Variants in ADARB2 observed in about 807,000 individuals in gnomAD.
ADARB2 encodes adenosine deaminase RNA specific B2 (inactive).
A neutral mutation model predicts 62.2 loss-of-function variants in ADARB2; 25 were observed. The ratio of observed to expected loss-of-function variants is 0.40; its 90% CI spans 0.29 to 0.56. ADARB2 has a LOEUF of 0.56. Ranked by LOEUF, ADARB2 falls within the 20% of genes least tolerant of loss-of-function variation. ADARB2 has a pLI of 0.43. For synonymous variants in ADARB2, 572 were observed against 500.8 expected (o/e 1.14, Z -1.90); for missense variants, 1,071 against 1,077.4 (o/e 0.99, Z 0.08).
rs530240615 is a variant in ADARB2 at position 1,563,240 on chromosome 10, C to T, written c.100+173811G>A. On this transcript the variant is annotated intron_variant, in intron 1 of 9. Transcript: ENST00000381312. ...GTCCCTGCGACTCCCCAGGTGACCT[C>T]CCGCTCCCTTTAGAGCTGTCCATGG... Among the ~76,000 whole-genome samples the T allele has an allele frequency of 1.6e-4, 25 of 151,624 alleles. 1 individual carries two copies. The highest frequency in any genetic ancestry group is 1.6e-3 in the Admixed American group (25 of 15,236).
At chr10:1,689,124 G>A (rs1834635732) in intron 1 of ADARB2, among the ~76,000 whole-genome samples, 1 of 152,218 alleles carries the variant, frequency 6.6e-6, no homozygotes, top group Non-Finnish European at 1.5e-5. Context: ...GGCAGCAAGA[G>A]AGGAACTGGC....
At chr10:1,532,416 C>T (rs369847194) in intron 1 of ADARB2, among the ~76,000 whole-genome samples, 33 of 152,314 alleles carry the variant, frequency 2.2e-4, no homozygotes, top group East Asian at 9.7e-4. Flanking sequence ...CCTGGCTCCC[C>T]GTGTCTGTTC....
intron 1 of ADARB2, 33 bp downstream of exon 1, chr10:1,737,018 G>A: frequency 6.2e-7 from 1 of 1,604,756 alleles, no homozygotes. Flanking sequence ...GGGGTGAAGG[G>A]GGGCAGGGGC....
chr10:1,687,720 G>C (rs927305642), intron 1 of ADARB2, among the ~76,000 whole-genome samples: 3 of 152,114 alleles, frequency 2.0e-5, no homozygotes, highest in African/African-American at 7.2e-5. Context: ...CGGGTCCAAG[G>C]CTGGAGACAG....
rs148843143 is a variant in ADARB2, at chr10:1,251,584, A to C, written c.1193-9285T>G. ...TAACACAAAGAATGGTTTTTGGGTG[A>C]TTAAAGAAATAAAGATGCATATGTC... On this transcript the variant is annotated intron_variant, in intron 4 of 9. Transcript: ENST00000381312. 7.0e-4 allele frequency among the ~76,000 whole-genome samples: 106 copies of C among 152,346 alleles called. 1 individual carries two copies. The East Asian group carries it at 0.018, about 25-fold the overall frequency.
At chr10:1,459,655 G>A (rs1299992887) in intron 1 of ADARB2, among the ~76,000 whole-genome samples, 1 of 152,182 alleles carries the variant, frequency 6.6e-6, no homozygotes. Flanking sequence ...CCAGGTACTC[G>A]GGAGGGTGAG....
intron 1 of ADARB2, among the ~76,000 whole-genome samples, chr10:1,419,395 G>A (rs1832834384): frequency 6.6e-6 from 1 of 152,038 alleles, no homozygotes; most frequent in Non-Finnish European, 1.5e-5. Context: ...TATAATTTTA[G>A]CTTAGAATTT....
At chr10:1,613,538 A>G (rs1176939272) in intron 1 of ADARB2, among the ~76,000 whole-genome samples, 2 of 152,206 alleles carry the variant, frequency 1.3e-5, no homozygotes, top group Non-Finnish European at 2.9e-5. Context: ...CACCCAAAAC[A>G]AAAGGAGTAT....
rs1461110034 is a variant in ADARB2 at position 1,199,985 on chromosome 10, G to A, written c.1845C>T (p.His615=). 2 of 1,566,668 alleles carry A rather than the reference G, an allele frequency of 1.3e-6. No homozygotes were observed. The highest frequency in any genetic ancestry group is 1.7e-6 in the Non-Finnish European group (2 of 1,159,268). ...GVGQLPASYR[H]NRPLLSGVSD... is the part of the protein sequence containing the mutation. ...TCTTACCGCTGAGGAGAGGCCGGTT[G>A]TGCCGGTAGGAGGCGGGCAGCTGGC... The change falls in exon 8 of 10, where the codon CAC becomes CAT. Residue 615 remains histidine, a synonymous_variant. Coordinates refer to ENST00000381312, the MANE Select transcript of ADARB2 (RefSeq NM_018702.4).
chr10:1,309,039 A>G (rs1831659200), intron 3 of ADARB2, among the ~76,000 whole-genome samples: 1 of 152,230 alleles, frequency 6.6e-6, no homozygotes, highest in Admixed American at 6.5e-5. Flanking sequence ...TCAGTTCTTT[A>G]ACTGATGGAT....
At chr10:1,672,983 T>A (rs1834410716) in intron 1 of ADARB2, among the ~76,000 whole-genome samples, 1 of 152,192 alleles carries the variant, frequency 6.6e-6, no homozygotes, top group Admixed American at 6.5e-5. Flanking sequence ...TGCACTTAGT[T>A]TCCAGAGACA....
intron 4 of ADARB2, 120 bp downstream of exon 4, chr10:1,270,835 G>A (rs918347163): frequency 2.4e-6 from 2 of 821,166 alleles, no homozygotes; most frequent in Non-Finnish European, 3.9e-6. Flanking sequence ...ATAATATTTT[G>A]TCTTTCTTTG....
At chr10:1,189,740 C>T (rs1836813039) in intron 8 of ADARB2, among the ~76,000 whole-genome samples, 1 of 151,008 alleles carries the variant, frequency 6.6e-6, no homozygotes, top group African/African-American at 2.5e-5. Flanking sequence ...CTACCTCCTT[C>T]CCCAGAACAC....
At chr10:1,559,252 A>G (rs1169859932) in intron 1 of ADARB2, among the ~76,000 whole-genome samples, 3 of 152,220 alleles carry the variant, frequency 2.0e-5, no homozygotes, top group Non-Finnish European at 4.4e-5. Flanking sequence ...AGAGGGCTGA[A>G]CAGATCATGT....
At chr10:1,678,211 G>T (rs901679131) in intron 1 of ADARB2, 2 of 985,144 alleles carry the variant, frequency 2.0e-6, no homozygotes, top group East Asian at 2.3e-4. Flanking sequence ...AGGGTGAGTG[G>T]CCTCAGGGTG....
At chr10:1,616,567 C>T (rs111732389) in intron 1 of ADARB2, among the ~76,000 whole-genome samples, 7 of 12,326 alleles carry the variant, frequency 5.7e-4, no homozygotes, top group Non-Finnish European at 8.9e-4. Context: ...AGACACACTC[C>T]GCACCACCCT....
chr10:1,491,150 C>T (rs936288037), intron 1 of ADARB2, among the ~76,000 whole-genome samples: 4 of 152,158 alleles, frequency 2.6e-5, no homozygotes, highest in African/African-American at 9.7e-5. Context: ...ATGGCTCACA[C>T]AAGCCTCAAC....
chr10:1,466,264 C>T (rs546283726), intron 1 of ADARB2, among the ~76,000 whole-genome samples: 4 of 152,370 alleles, frequency 2.6e-5, no homozygotes, highest in South Asian at 2.1e-4. Context: ...ACCTTGGCCA[C>T]GGCTGAAGTT....
chr10:1,566,312 C>G (rs143939311), intron 1 of ADARB2, among the ~76,000 whole-genome samples: 2,744 of 152,198 alleles, frequency 0.018, 47 homozygotes, highest in Non-Finnish European at 0.024. Context: ...TTAACAGCAT[C>G]CTGGTTTAGA....
Sources: allele counts gnomAD v4.1 joint callset (sites outside exome capture counted in the v4.1 genomes callset), GRCh38; gene constraint gnomAD v4.1.1; transcripts MANE v1.5; gene names NCBI Gene and HGNC (gene_info 2026-07-23, HGNC 2026-07-21).